GABRA2: variants seen among roughly 807,000 people sequenced by gnomAD.
The protein encoded by GABRA2 is gamma-aminobutyric acid receptor subunit alpha-2.
In GABRA2, 16 loss-of-function variants were observed where a neutral mutation model predicts 48.7. The observed-to-expected ratio is 0.33, with a 90% confidence interval of 0.22 to 0.50. The LOEUF is 0.50. Among genes scored for constraint, GABRA2 ranks in the 20% least tolerant of loss-of-function variants. The pLI is 0.98. For synonymous variants in GABRA2, 185 were observed against 184.5 expected (o/e 1.00, Z -0.02); for missense variants, 275 against 535.6 (o/e 0.51, Z 4.80).
At chr4:46,286,760 T>A (rs1722621585) in intron 8 of GABRA2, among the ~76,000 whole-genome samples, 1 of 152,174 alleles carries the variant, frequency 6.6e-6, no homozygotes, top group Non-Finnish European at 1.5e-5. Context: ...TTGTGAAAAG[T>A]CTGTTCAAGT....
At chr4:46,386,517 A>C (rs1366498271) in intron 2 of GABRA2, among the ~76,000 whole-genome samples, 1 of 152,210 alleles carries the variant, frequency 6.6e-6, no homozygotes, top group Admixed American at 6.5e-5. Context: ...AACACATGCA[A>C]ACACTATTAG....
intron 4 of GABRA2, among the ~76,000 whole-genome samples, chr4:46,318,531 A>C (rs1236072518): frequency 6.6e-6 from 1 of 151,672 alleles, no homozygotes; most frequent in African/African-American, 2.4e-5. Flanking sequence ...TAAGTATTTG[A>C]AAAGGATATT....
intron 8 of GABRA2, among the ~76,000 whole-genome samples, chr4:46,301,193 G>A (rs1725674714): frequency 6.6e-6 from 1 of 152,128 alleles, no homozygotes; most frequent in Non-Finnish European, 1.5e-5. Flanking sequence ...TGAGGAGGTA[G>A]TGAATACATC....
chr4:46,289,280 A>C (rs1723134533), intron 8 of GABRA2, among the ~76,000 whole-genome samples: 1 of 152,230 alleles, frequency 6.6e-6, no homozygotes, highest in African/African-American at 2.4e-5. Context: ...ACTAGTAACA[A>C]TAGCAAAGAC....
chr4:46,265,403 T>C (rs1717938862), intron 8 of GABRA2, among the ~76,000 whole-genome samples: 1 of 121,934 alleles, frequency 8.2e-6, no homozygotes, highest in African/African-American at 3.3e-5. Context: ...TATAATATAT[T>C]GTGTATATAT....
intron 9 of GABRA2, chr4:46,256,157 G>C (rs2109403877): frequency 1.7e-6 from 1 of 580,372 alleles, no homozygotes; most frequent in East Asian, 2.9e-5. Context: ...ATTGTTAACT[G>C]TCTACTAATC....
At chr4:46,390,202 T>TCC (rs1273360427), upstream of GABRA2, 40 of 60,012 alleles carry the variant, frequency 6.7e-4, no homozygotes, top group East Asian at 2.3e-3. Flanking sequence ...CTCCCCCCCC[T>TCC]CCCCCCCCCC....
rs529493530 is a variant in GABRA2, at chr4:46,389,058, A to T, written c.-10-342T>A. The T allele has an allele frequency of 1.9e-5, 20 of 1,038,432 alleles. No individual in the cohort carries two copies. In the East Asian group the frequency reaches 1.6e-3, roughly 86 times the overall value. 64.3% of individuals were successfully genotyped at this position (1,038,432 alleles called of 1,614,324 possible). A position where few individuals can be genotyped will look rare whatever the true frequency, so the allele number is the denominator to read the frequency against. ...CGCACACGTAATAATAACACCCTGG[A>T]CTTTAAACTGGCATAGCAGCTGGAA... On this transcript the variant is annotated intron_variant, in intron 1 of 9. Coordinates refer to ENST00000381620, the MANE Select transcript of GABRA2 (RefSeq NM_000807.4).
intron 8 of GABRA2, among the ~76,000 whole-genome samples, chr4:46,292,854 G>C (rs977538869): frequency 6.6e-6 from 1 of 152,174 alleles, no homozygotes; most frequent in Non-Finnish European, 1.5e-5. Context: ...TGTGAGGGCA[G>C]CACCTCCATC....
At chr4:46,325,339 G>T (rs970341785) in intron 4 of GABRA2, among the ~76,000 whole-genome samples, 7 of 151,960 alleles carry the variant, frequency 4.6e-5, no homozygotes, top group Non-Finnish European at 1.0e-4. Context: ...AATGATTAAT[G>T]ATGTTGAACA....
Position 46,247,852 on chromosome 4 carries a change from C to T in GABRA2, c.*2456G>A, listed in dbSNP as rs1713996281. On this transcript the variant is annotated 3_prime_UTR_variant, in exon 10 of 10. Transcript: ENST00000381620. ...AGAAGCTCCTTTTGATTTATTTAAA[C>T]ATTAAAAGAAGAAGAAATATGTAAA... Among the ~76,000 whole-genome samples, 1 of 151,020 alleles carries T rather than the reference C, an allele frequency of 6.6e-6. No individual in the cohort carries two copies. The highest frequency in any genetic ancestry group is 6.6e-5 in the Admixed American group (1 of 15,092).
intron 9 of GABRA2, among the ~76,000 whole-genome samples, chr4:46,260,194 G>T (rs941336936): frequency 6.6e-6 from 1 of 151,816 alleles, no homozygotes; most frequent in Non-Finnish European, 1.5e-5. Flanking sequence ...CTGTGGAAAA[G>T]GAAATGAGAA....
chr4:46,281,812 G>T (rs560500040), intron 8 of GABRA2, among the ~76,000 whole-genome samples: 1 of 152,126 alleles, frequency 6.6e-6, no homozygotes, highest in African/African-American at 2.4e-5. Context: ...GAAGAGTCAA[G>T]GGAATTTTAT....
chr4:46,322,205 T>C (rs1156348890), intron 4 of GABRA2, among the ~76,000 whole-genome samples: 1 of 151,910 alleles, frequency 6.6e-6, no homozygotes, highest in Non-Finnish European at 1.5e-5. Flanking sequence ...GGACAGAACA[T>C]CTAGATGGCC....
At chr4:46,355,366 AT>A (rs1735796775) in intron 3 of GABRA2, among the ~76,000 whole-genome samples, 1 of 152,124 alleles carries the variant, frequency 6.6e-6, no homozygotes, top group African/African-American at 2.4e-5. Context: ...ACTCCAACAG[AT>A]TGTGTTTCTA....
chr4:46,384,569 A>G (rs1717193561), intron 3 of GABRA2, among the ~76,000 whole-genome samples: 1 of 152,220 alleles, frequency 6.6e-6, no homozygotes, highest in South Asian at 2.1e-4. Flanking sequence ...GACAAAGTCT[A>G]CAGGCTAACT....
chr4:46,343,280 AT>A (rs576231175), intron 3 of GABRA2, among the ~76,000 whole-genome samples: 69 of 152,122 alleles, frequency 4.5e-4, no homozygotes, highest in Admixed American at 1.4e-3. Flanking sequence ...TTCTACTGAT[AT>A]TTCCCAAGAA....
chr4:46,325,667 T>A (rs1479200779), intron 4 of GABRA2, among the ~76,000 whole-genome samples: 1 of 152,012 alleles, frequency 6.6e-6, no homozygotes, highest in East Asian at 1.9e-4. Flanking sequence ...AGGTTCAGAA[T>A]GGCATTTCCT....
At chr4:46,324,560 G>GT (rs958795549) in intron 4 of GABRA2, among the ~76,000 whole-genome samples, 66 of 148,992 alleles carry the variant, frequency 4.4e-4, no homozygotes, top group East Asian at 9.9e-4. Flanking sequence ...TTATTATTTA[G>GT]TTTTTTTTTT....
Sources: allele counts gnomAD v4.1 joint callset (sites outside exome capture counted in the v4.1 genomes callset), GRCh38; gene constraint gnomAD v4.1.1; transcripts MANE v1.5; gene names NCBI Gene and HGNC (gene_info 2026-07-23, HGNC 2026-07-21).